The following RBFOX1 variants were observed in gnomAD, a reference collection of about 807,000 sequenced individuals.
RBFOX1 encodes the protein RNA binding fox-1 homolog 1, also known as RNA binding protein fox-1 homolog 1.
Under a neutral mutation model 57.7 loss-of-function variants are expected in RBFOX1, and 8 were observed. That is an observed-to-expected ratio of 0.14 (90% CI 0.08 to 0.25). RBFOX1 has a LOEUF of 0.25. Among genes scored for constraint, RBFOX1 ranks in the 10% least tolerant of loss-of-function variants. The pLI is 1.00. For missense variants in RBFOX1, 611 were observed against 548.5 expected, an observed-to-expected ratio of 1.11 and a Z score of -1.14; for synonymous variants, 326 against 222.4, an observed-to-expected ratio of 1.47 and a Z score of -4.15.
intron 1 of RBFOX1, among the ~76,000 whole-genome samples, chr16:5,418,649 C>G (rs931367499): frequency 6.6e-6 from 1 of 152,194 alleles, no homozygotes; most frequent in Admixed American, 6.5e-5. Flanking sequence ...CTCCCTTGTC[C>G]TCGCTCCTCT....
chr16:6,716,644 G>C (rs145108564), intron 3 of RBFOX1, among the ~76,000 whole-genome samples: 205 of 152,240 alleles, frequency 1.3e-3, no homozygotes, highest in African/African-American at 4.6e-3. Flanking sequence ...TTGGACCCCA[G>C]GTATCTGCCC....
intron 1 of RBFOX1, among the ~76,000 whole-genome samples, chr16:6,052,024 C>G (rs1417877636): frequency 6.6e-6 from 1 of 152,112 alleles, no homozygotes; most frequent in Non-Finnish European, 1.5e-5. Flanking sequence ...TAGTCCAGTC[C>G]CCATCATGCC....
chr16:5,410,765 C>G (rs867935420), intron 1 of RBFOX1, among the ~76,000 whole-genome samples: 1 of 137,600 alleles, frequency 7.3e-6, no homozygotes, highest in Admixed American at 7.3e-5. Context: ...TTACAATGCC[C>G]TGTCCTCTCC....
chr16:6,784,000 C>G (rs532409943), intron 3 of RBFOX1, among the ~76,000 whole-genome samples: 25 of 152,282 alleles, frequency 1.6e-4, no homozygotes, highest in African/African-American at 5.5e-4. Flanking sequence ...GCTGAGAAGT[C>G]TGCTGACAAA....
intron 4 of RBFOX1, among the ~76,000 whole-genome samples, chr16:5,924,206 A>G (rs2058894978): frequency 6.6e-6 from 1 of 152,126 alleles, no homozygotes; most frequent in South Asian, 2.1e-4. Flanking sequence ...AGCCATGTGG[A>G]ACTGTGAGTC....
chr16:6,336,642 C>T (rs1186443403), intron 2 of RBFOX1, among the ~76,000 whole-genome samples: 1 of 152,104 alleles, frequency 6.6e-6, no homozygotes, highest in Non-Finnish European at 1.5e-5. Flanking sequence ...TTGTCAACTT[C>T]CTTGGCCTCT....
chr16:5,742,204 C>G (rs965357450), intron 3 of RBFOX1, among the ~76,000 whole-genome samples: 1 of 149,116 alleles, frequency 6.7e-6, no homozygotes, highest in Non-Finnish European at 1.5e-5. Flanking sequence ...TCCTCCAGTC[C>G]TTCCTCCTTT....
intron 1 of RBFOX1, among the ~76,000 whole-genome samples, chr16:5,428,073 A>G (rs62016386): frequency 5.9e-5 from 9 of 152,122 alleles, no homozygotes; most frequent in Non-Finnish European, 1.0e-4. Context: ...TCCTGAGGCA[A>G]TAGAAAGCAC....
At chr16:5,963,535 C>G (rs1456628588) in intron 4 of RBFOX1, among the ~76,000 whole-genome samples, 1 of 152,134 alleles carries the variant, frequency 6.6e-6, no homozygotes, top group Non-Finnish European at 1.5e-5. Flanking sequence ...AATTAAAACA[C>G]TATGGTACTG....
chr16:6,637,811 C>T (rs372313262), intron 2 of RBFOX1, among the ~76,000 whole-genome samples: 16 of 151,940 alleles, frequency 1.1e-4, no homozygotes, highest in East Asian at 5.8e-4. Flanking sequence ...TCCATGGTCT[C>T]CAAATCTTGG....
chr16:5,807,273 T>C (rs1403759244), intron 3 of RBFOX1, among the ~76,000 whole-genome samples: 2 of 152,150 alleles, frequency 1.3e-5, no homozygotes, highest in Non-Finnish European at 2.9e-5. Flanking sequence ...GGATATGAAT[T>C]GCATCTTCTT....
intron 2 of RBFOX1, among the ~76,000 whole-genome samples, chr16:5,488,026 T>C (rs2042692034): frequency 6.6e-6 from 1 of 151,896 alleles, no homozygotes; most frequent in South Asian, 2.1e-4. Context: ...TGATGATGGT[T>C]GTGGTGCTGG....
chr16:6,891,530 C>T (rs564973686), intron 3 of RBFOX1, among the ~76,000 whole-genome samples: 3 of 152,106 alleles, frequency 2.0e-5, no homozygotes, highest in South Asian at 4.2e-4. Context: ...CTTCCCAGTC[C>T]TGCCTTATTT....
rs145741295 is a variant in RBFOX1 at position 6,212,790 on chromosome 16, A to G, written c.-126-104205A>G. Among the ~76,000 whole-genome samples, 36 of 152,330 alleles carry G rather than the reference A, an allele frequency of 2.4e-4. 1 individual carries two copies. In the South Asian group the frequency reaches 5.0e-3, roughly 21 times the overall value. ...TGCGTTTTTATAATTGAAGATTTCCATAGATAAGACATACTCTTTAATTTT... is the reference window on the plus strand; with the variant it reads ...TGCGTTTTTATAATTGAAGATTTCCGTAGATAAGACATACTCTTTAATTTT... On this transcript the variant is annotated intron_variant, in intron 1 of 15. Transcript: ENST00000550418.
At chr16:6,777,600 C>T (rs146632909) in intron 3 of RBFOX1, among the ~76,000 whole-genome samples, 1,645 of 152,220 alleles carry the variant, frequency 0.011, 35 homozygotes, top group African/African-American at 0.038. Context: ...AGAAAGAGAA[C>T]AGAATGATGG....
At chr16:6,555,967 G>A (rs2097092466) in intron 2 of RBFOX1, among the ~76,000 whole-genome samples, 1 of 152,150 alleles carries the variant, frequency 6.6e-6, no homozygotes, top group Admixed American at 6.5e-5. Context: ...ATTATTGGAT[G>A]AAAGGGGTTC....
chr16:7,324,728 T>C (rs1345799162), intron 4 of RBFOX1, among the ~76,000 whole-genome samples: 2 of 152,178 alleles, frequency 1.3e-5, no homozygotes, highest in African/African-American at 4.8e-5. Flanking sequence ...ATCAGCAGGC[T>C]CCTCACTTAC....
intron 4 of RBFOX1, among the ~76,000 whole-genome samples, chr16:7,098,385 G>A (rs1022649638): frequency 3.9e-5 from 6 of 152,108 alleles, no homozygotes; most frequent in African/African-American, 1.4e-4. Context: ...AGCCAGGCTG[G>A]CCTCAAACTC....
chr16:6,385,791 T>C (rs2092227247), intron 2 of RBFOX1, among the ~76,000 whole-genome samples: 1 of 150,952 alleles, frequency 6.6e-6, no homozygotes. Flanking sequence ...AAGCAAGTTA[T>C]TCCCTTGCTG....
Sources: gnomAD v4.1 joint callset for allele counts (sites outside exome capture counted in the v4.1 genomes callset) on GRCh38, gnomAD v4.1.1 for gene constraint, MANE v1.5 for transcripts, NCBI Gene and HGNC (gene_info 2026-07-23, HGNC 2026-07-21) for gene names.